Variants in EPHA3 observed in about 807,000 individuals in gnomAD.
The protein encoded by EPHA3 is ephrin type-A receptor 3.
Under a neutral mutation model 107.1 loss-of-function variants are expected in EPHA3, and 42 were observed. The observed-to-expected ratio is 0.39, with a 90% CI of 0.31 to 0.51. EPHA3 has a LOEUF of 0.51. Ranked by LOEUF, EPHA3 falls within the 20% of genes least tolerant of loss-of-function variation. The pLI is 0.78. For synonymous variants in EPHA3, 461 were observed against 424.8 expected, an observed-to-expected ratio of 1.09 and a Z score of -1.05; for missense variants, 1,183 against 1,211.2, an observed-to-expected ratio of 0.98 and a Z score of 0.35.
intron 2 of EPHA3, among the ~76,000 whole-genome samples, chr3:89,167,592 A>G (rs71322857): frequency 0.086 from 13,030 of 152,158 alleles, 697 homozygotes; most frequent in Middle Eastern, 0.18. Context: ...GACATCTGTG[A>G]ATTTAAGGTA....
At chr3:89,158,475 G>A (rs530142752) in intron 2 of EPHA3, among the ~76,000 whole-genome samples, 3 of 152,086 alleles carry the variant, frequency 2.0e-5, no homozygotes, top group African/African-American at 7.2e-5. Context: ...TATTTAGTCT[G>A]GTCAAGAATT....
chr3:89,437,577 C>T (rs1709698359), intron 13 of EPHA3, among the ~76,000 whole-genome samples: 1 of 152,084 alleles, frequency 6.6e-6, no homozygotes, highest in Admixed American at 6.6e-5. Flanking sequence ...AACAGTTTGC[C>T]ACTGAATGAT....
intron 3 of EPHA3, among the ~76,000 whole-genome samples, chr3:89,339,387 A>G (rs1244625174): frequency 3.3e-5 from 5 of 150,336 alleles, no homozygotes; most frequent in South Asian, 2.1e-4. Flanking sequence ...AAAAAAAAAA[A>G]AAAGAAAGAA....
At chr3:89,396,694 C>T (rs1394815172) in intron 6 of EPHA3, among the ~76,000 whole-genome samples, 1 of 152,092 alleles carries the variant, frequency 6.6e-6, no homozygotes, top group Non-Finnish European at 1.5e-5. Context: ...CTTAGAATCA[C>T]AGCTAGTTAG....
At chr3:89,303,975 C>CTTTTTT (rs1387799447) in intron 3 of EPHA3, among the ~76,000 whole-genome samples, 1 of 152,102 alleles carries the variant, frequency 6.6e-6, no homozygotes, top group East Asian at 1.9e-4. Flanking sequence ...ACCAGACTTA[C>CTTTTTT]TTTTCTTTTC....
intron 1 of EPHA3, among the ~76,000 whole-genome samples, chr3:89,121,166 G>A (rs991831116): frequency 2.8e-4 from 42 of 152,252 alleles, no homozygotes; most frequent in African/African-American, 9.9e-4. Flanking sequence ...AACCTGTTAG[G>A]CGGAGCTGGC....
intron 5 of EPHA3, among the ~76,000 whole-genome samples, chr3:89,377,319 A>ATGT (rs1442928580): frequency 2.0e-5 from 3 of 152,138 alleles, no homozygotes; most frequent in Non-Finnish European, 4.4e-5. Flanking sequence ...TTCATTTCAT[A>ATGT]TGTACCCATT....
intron 5 of EPHA3, among the ~76,000 whole-genome samples, chr3:89,392,528 T>A (rs984808403): frequency 6.6e-6 from 1 of 152,182 alleles, no homozygotes; most frequent in African/African-American, 2.4e-5. Context: ...TCCCTGAGAT[T>A]TCTCTTCCTT....
intron 3 of EPHA3, among the ~76,000 whole-genome samples, chr3:89,228,684 G>C (rs139753234): frequency 0.024 from 3,664 of 151,906 alleles, 68 homozygotes; most frequent in Non-Finnish European, 0.041. Context: ...AAAATGTGCC[G>C]TGTTCTCTAG....
At chr3:89,238,123 A>G (rs1704816007) in intron 3 of EPHA3, among the ~76,000 whole-genome samples, 1 of 152,230 alleles carries the variant, frequency 6.6e-6, no homozygotes, top group African/African-American at 2.4e-5. Context: ...AGCAATGATA[A>G]CATGCAGGAC....
chr3:89,334,549 T>G (rs1384050545), intron 3 of EPHA3, among the ~76,000 whole-genome samples: 1 of 152,198 alleles, frequency 6.6e-6, no homozygotes, highest in African/African-American at 2.4e-5. Context: ...ATTTTTTAAA[T>G]GAGGAAATTG....
intron 2 of EPHA3, among the ~76,000 whole-genome samples, chr3:89,129,589 A>C (rs1256168030): frequency 6.7e-6 from 1 of 149,210 alleles, no homozygotes; most frequent in Non-Finnish European, 1.5e-5. Flanking sequence ...GCAGATTTAG[A>C]AAACATTAGA....
chr3:89,436,784 T>C (rs1188186859), intron 13 of EPHA3, among the ~76,000 whole-genome samples: 1 of 152,220 alleles, frequency 6.6e-6, no homozygotes, highest in African/African-American at 2.4e-5. Flanking sequence ...CTTAGGTGTA[T>C]CACAAGCTTT....
intron 2 of EPHA3, among the ~76,000 whole-genome samples, chr3:89,132,006 A>G (rs1704216595): frequency 6.6e-6 from 1 of 152,158 alleles, no homozygotes; most frequent in East Asian, 1.9e-4. Context: ...AATCATGACC[A>G]TGATAGTTAT....
chr3:89,116,781 A>C (rs1156778203), intron 1 of EPHA3, among the ~76,000 whole-genome samples: 1 of 151,370 alleles, frequency 6.6e-6, no homozygotes, highest in African/African-American at 2.4e-5. Context: ...CATTCTTTCA[A>C]GCTATTGGCA....
At chr3:89,247,459 C>T (rs1705062827) in intron 3 of EPHA3, among the ~76,000 whole-genome samples, 1 of 152,092 alleles carries the variant, frequency 6.6e-6, no homozygotes, top group African/African-American at 2.4e-5. Flanking sequence ...GATTCAAGAA[C>T]AGAAAATGTT....
chr3:89,351,784 T>C (rs1182729479), intron 5 of EPHA3, among the ~76,000 whole-genome samples: 3 of 151,272 alleles, frequency 2.0e-5, no homozygotes, highest in Non-Finnish European at 4.4e-5. Context: ...TGTTCATTGT[T>C]TCACTCATAT....
intron 3 of EPHA3, among the ~76,000 whole-genome samples, chr3:89,243,802 T>C (rs1704967937): frequency 1.3e-5 from 2 of 152,158 alleles, no homozygotes; most frequent in South Asian, 4.1e-4. Context: ...TAGTTAATGC[T>C]TAAAACACTT....
At chr3:89,268,903 G>GA (rs967776361) in intron 3 of EPHA3, among the ~76,000 whole-genome samples, 63 of 144,616 alleles carry the variant, frequency 4.4e-4, no homozygotes, top group African/African-American at 5.3e-4. Context: ...TATAAGTTAA[G>GA]AAAAAAAAAA....
Sources: gnomAD v4.1 joint callset for allele counts (sites outside exome capture counted in the v4.1 genomes callset) on GRCh38, gnomAD v4.1.1 for gene constraint, MANE v1.5 for transcripts, NCBI Gene and HGNC (gene_info 2026-07-23, HGNC 2026-07-21) for gene names.